The following SNTG2 variants were observed in gnomAD, a reference collection of about 807,000 sequenced individuals.
SNTG2 encodes the protein syntrophin gamma 2, also known as gamma-2-syntrophin.
Under a neutral mutation model 70.9 loss-of-function variants are expected in SNTG2, and 74 were observed. The ratio of observed to expected loss-of-function variants is 1.04; its 90% confidence interval spans 0.86 to 1.27. The LOEUF is 1.27. Ranked by LOEUF, SNTG2 falls within the 50% of genes most tolerant of loss-of-function variation. The pLI, the probability that SNTG2 is intolerant of heterozygous loss-of-function variation, is 0.00. For synonymous variants in SNTG2, 278 were observed against 273.8 expected, an observed-to-expected ratio of 1.02 and a Z score of -0.15; for missense variants, 717 against 690.7, an observed-to-expected ratio of 1.04 and a Z score of -0.43.
At chr2:1,312,803 A>G (rs1401267997) in intron 15 of SNTG2, among the ~76,000 whole-genome samples, 2 of 152,244 alleles carry the variant, frequency 1.3e-5, no homozygotes, top group Non-Finnish European at 2.9e-5. Flanking sequence ...AGCTAGGAAC[A>G]GGATTCCTGT....
At chr2:1,244,874 G>A (rs1677317234) in intron 11 of SNTG2, among the ~76,000 whole-genome samples, 2 of 151,982 alleles carry the variant, frequency 1.3e-5, no homozygotes, top group African/African-American at 4.8e-5. Flanking sequence ...CCAGCAGCCA[G>A]CTGCTCCGAA....
intron 2 of SNTG2, among the ~76,000 whole-genome samples, chr2:1,089,137 C>A (rs1664861724): frequency 6.6e-6 from 1 of 152,164 alleles, no homozygotes; most frequent in Non-Finnish European, 1.5e-5. Context: ...AAAATGCAGT[C>A]GTCAGCAAAA....
At chr2:1,220,361 C>T (rs1376515365) in intron 9 of SNTG2, among the ~76,000 whole-genome samples, 1 of 152,220 alleles carries the variant, frequency 6.6e-6, no homozygotes, top group Non-Finnish European at 1.5e-5. Context: ...GTGGCAGGAT[C>T]CAGGCCAGGC....
chr2:1,098,193 A>G lies in SNTG2; in HGVS notation c.211-3A>G, dbSNP rs755808003. 3 of 1,613,890 alleles carry G rather than the reference A, an allele frequency of 1.9e-6. No individual in the cohort carries two copies. In the South Asian group the frequency reaches 3.3e-5, roughly 18 times the overall value. The stretch of plus-strand genomic sequence containing the variant: ...TTGGTTTGTTTTCTAAAATGTTTTA[A>G]AGCGCAGAACTGTTACACTCCGCAG... On this transcript the variant is annotated splice_polypyrimidine_tract_variant and splice_region_variant and intron_variant, in intron 2 of 16. Coordinates refer to ENST00000308624, the MANE Select transcript of SNTG2 (RefSeq NM_018968.4).
intron 1 of SNTG2, among the ~76,000 whole-genome samples, chr2:989,800 G>A (rs1272197138): frequency 3.3e-5 from 5 of 152,202 alleles, no homozygotes; most frequent in Non-Finnish European, 7.3e-5. Flanking sequence ...TGGAAATAAT[G>A]CAATTCTTTT....
chr2:1,230,969 TC>T (rs1205985561), intron 9 of SNTG2, among the ~76,000 whole-genome samples: 2 of 151,916 alleles, frequency 1.3e-5, no homozygotes, highest in Non-Finnish European at 2.9e-5. Context: ...CAGTGCCTCT[TC>T]CATAGGATCA....
intron 9 of SNTG2, among the ~76,000 whole-genome samples, chr2:1,223,475 C>T (rs1016318549): frequency 1.3e-5 from 2 of 152,196 alleles, no homozygotes; most frequent in Admixed American, 6.5e-5. Flanking sequence ...GCGTCGGATT[C>T]CTCAGTGCAT....
chr2:1,264,284 A>G (rs1678606730), intron 13 of SNTG2, among the ~76,000 whole-genome samples: 3 of 152,234 alleles, frequency 2.0e-5, no homozygotes, highest in South Asian at 4.1e-4. Context: ...ATTCCTGCCC[A>G]TGGTTAACTG....
At chr2:1,326,186 A>C (rs1681750293) in intron 16 of SNTG2, among the ~76,000 whole-genome samples, 1 of 152,184 alleles carries the variant, frequency 6.6e-6, no homozygotes. Context: ...ATATATTTAT[A>C]ATATATCCAA....
chr2:1,037,991 C>T (rs1661226161), intron 1 of SNTG2, among the ~76,000 whole-genome samples: 1 of 152,142 alleles, frequency 6.6e-6, no homozygotes, highest in African/African-American at 2.4e-5. Flanking sequence ...GGTCACTCTG[C>T]TTCTCATCTG....
At chr2:1,051,206 C>CT (rs1662054951) in intron 1 of SNTG2, among the ~76,000 whole-genome samples, 9 of 119,454 alleles carry the variant, frequency 7.5e-5, no homozygotes, top group Non-Finnish European at 1.4e-4. Context: ...TCCTCCCTTC[C>CT]TCCCTTCCTT....
chr2:1,222,083 CTG>C lies in SNTG2; in HGVS notation c.719+12855_719+12856del, dbSNP rs1374111088. On this transcript the variant is annotated intron_variant, in intron 9 of 16. Transcript: ENST00000308624. The stretch of plus-strand genomic sequence containing the variant: ...TCTCTGTTTCTCTCTGTCTCTGTCT[CTG>C]TCTCTCTCTGTCTCTCTCTGTCTCT... Among the ~76,000 whole-genome samples, 22 of 24,718 alleles carry C rather than the reference CTG, an allele frequency of 8.9e-4. 3 individuals carry two copies. Among genetic ancestry groups the C allele is most frequent in the Admixed American group, 2.0e-3 (4 of 2,004 alleles). The allele number at this position is 24,718 out of a possible 152,430, so 16.2% of individuals were successfully genotyped here. A position where few individuals can be genotyped will look rare whatever the true frequency, so the allele number is the denominator to read the frequency against.
intron 9 of SNTG2, among the ~76,000 whole-genome samples, chr2:1,236,434 C>T (rs965467589): frequency 6.6e-6 from 1 of 152,234 alleles, no homozygotes; most frequent in Non-Finnish European, 1.5e-5. Flanking sequence ...GGAGGCAGAG[C>T]TGCCTGCCCT....
intron 1 of SNTG2, among the ~76,000 whole-genome samples, chr2:989,937 GGGACCCT>G (rs1661436187): frequency 6.6e-6 from 1 of 152,216 alleles, no homozygotes; most frequent in Non-Finnish European, 1.5e-5. Context: ...GGAAGCCAAG[GGGACCCT>G]GCTGCATGGT....
chr2:1,164,491 G>A (rs1670569561), intron 6 of SNTG2, among the ~76,000 whole-genome samples: 1 of 108,896 alleles, frequency 9.2e-6, no homozygotes, highest in Non-Finnish European at 1.9e-5. Flanking sequence ...GGATATGCCT[G>A]GCCTAGGAGG....
intron 8 of SNTG2, among the ~76,000 whole-genome samples, chr2:1,193,435 T>G (rs1302909475): frequency 6.6e-6 from 1 of 152,210 alleles, no homozygotes; most frequent in East Asian, 1.9e-4. Flanking sequence ...CTGCTTTTGT[T>G]TGATTGTTCC....
intron 8 of SNTG2, among the ~76,000 whole-genome samples, chr2:1,174,813 T>G (rs1043948067): frequency 6.6e-6 from 1 of 152,228 alleles, no homozygotes; most frequent in Non-Finnish European, 1.5e-5. Flanking sequence ...TGTATTTTCC[T>G]TTGGTTTTTC....
chr2:1,243,536 A>G (rs1157585125), intron 11 of SNTG2, among the ~76,000 whole-genome samples: 1 of 152,220 alleles, frequency 6.6e-6, no homozygotes, highest in African/African-American at 2.4e-5. Flanking sequence ...AGATTCAAGA[A>G]TGCATACTTT....
In SNTG2 at chr2:1,175,754, G is replaced by T. The variant is rs1209929649; in HGVS notation, c.591+2571G>T. On this transcript the variant is annotated intron_variant, in intron 8 of 16. Coordinates refer to ENST00000308624, the MANE Select transcript of SNTG2 (RefSeq NM_018968.4). ...CCCTTTCTGTGCAGTTATCCTCAGG[G>T]TTTTTCTCCCATTGTGTGGCTGTAG... 3.9e-5 allele frequency among the ~76,000 whole-genome samples: 6 copies of T among 152,172 alleles called. No individual in the cohort carries two copies. The East Asian group carries it at 1.2e-3, about 29-fold the overall frequency.
Sources: gnomAD v4.1 joint callset for allele counts (sites outside exome capture counted in the v4.1 genomes callset) on GRCh38, gnomAD v4.1.1 for gene constraint, MANE v1.5 for transcripts, NCBI Gene and HGNC (gene_info 2026-07-23, HGNC 2026-07-21) for gene names.